BANP: variants seen among roughly 807,000 people sequenced by gnomAD.
BANP encodes protein BANP.
BANP carries 11 observed loss-of-function variants against 68.1 expected under a neutral mutation model. That is an observed-to-expected ratio of 0.16 (90% confidence interval 0.10 to 0.27). The LOEUF is 0.27. BANP is among the 10% of genes least tolerant of loss of function. The pLI is 1.00. For synonymous variants in BANP, 329 were observed against 303.2 expected, an observed-to-expected ratio of 1.09 and a Z score of -0.88; for missense variants, 504 against 722.7, an observed-to-expected ratio of 0.70 and a Z score of 3.47.
chr16:88,025,417 T>A (rs907071533), intron 7 of BANP, among the ~76,000 whole-genome samples: 3 of 152,114 alleles, frequency 2.0e-5, no homozygotes, highest in African/African-American at 7.2e-5. Flanking sequence ...GATTCGAGGG[T>A]GACTTGGAGT....
intron 1 of BANP, among the ~76,000 whole-genome samples, chr16:87,960,846 C>G (rs11117313): frequency 0.67 from 102,461 of 152,142 alleles, 35,272 homozygotes; most frequent in African/African-American, 0.8. Context: ...AAGTTAGCCT[C>G]TCACCTCAAA....
chr16:87,978,546 A>G (rs1213689031), intron 2 of BANP: 6 of 460,550 alleles, frequency 1.3e-5, no homozygotes, highest in Non-Finnish European at 2.7e-5. Context: ...TAAAAGTTTC[A>G]TTAAGTGAGA....
At chr16:87,954,981 C>T (rs1269632734) in intron 1 of BANP, among the ~76,000 whole-genome samples, 3 of 152,250 alleles carry the variant, frequency 2.0e-5, no homozygotes, top group East Asian at 1.9e-4. Context: ...TGAATTGCAG[C>T]GTGGGCTGGT....
At chr16:88,044,587 T>C (rs1307897136) in intron 11 of BANP, among the ~76,000 whole-genome samples, 1 of 152,278 alleles carries the variant, frequency 6.6e-6, no homozygotes, top group East Asian at 1.9e-4. Flanking sequence ...TGATCGCTAA[T>C]GTCTCTTTCT....
At chr16:88,070,377 G>A (rs1196561937) in intron 12 of BANP, among the ~76,000 whole-genome samples, 1 of 152,122 alleles carries the variant, frequency 6.6e-6, no homozygotes, top group Non-Finnish European at 1.5e-5. Context: ...AGGGGCCGTC[G>A]GGTAAAGAAA....
chr16:88,076,605 C>A lies in BANP; in HGVS notation c.1537C>A (p.Gln513Lys). The change falls in exon 14 of 14, where the codon CAG becomes AAG. Residue 513 changes from glutamine to lysine, a missense_variant. Gln to Lys is a moderately conservative substitution (Grantham distance 53). This residue lies in a region of BANP where 223 missense variants were observed against 246.2 expected (regional missense o/e 0.91). Transcript: ENST00000682872. ...TAGAQTAEAL[Q>K]PTLQPEMQLE... Reference sequence around the variant, plus strand: ...CCTTTTGCAGACGGCCGAAGCCCTGCAGCCCACGCTACAGCCGGAGATGCA... The same window carrying A: ...CCTTTTGCAGACGGCCGAAGCCCTGAAGCCCACGCTACAGCCGGAGATGCA... 6.2e-7 allele frequency: 1 copy of A among 1,612,372 alleles called. No individual in the cohort carries two copies. Among genetic ancestry groups the A allele is most frequent in the Non-Finnish European group, 8.5e-7 (1 of 1,179,720 alleles).
At chr16:88,032,693 G>C (rs1567816361) in intron 8 of BANP, among the ~76,000 whole-genome samples, 1 of 152,180 alleles carries the variant, frequency 6.6e-6, no homozygotes, top group Non-Finnish European at 1.5e-5. Context: ...ATCTCATTTT[G>C]ATTAAACACA....
intron 4 of BANP, among the ~76,000 whole-genome samples, chr16:87,987,289 G>T (rs2064686153): frequency 6.6e-6 from 1 of 152,124 alleles, no homozygotes; most frequent in Non-Finnish European, 1.5e-5. Context: ...ACATTAGCCA[G>T]GCTGGTCTTG....
At chr16:88,014,914 G>C (rs572345235) in intron 6 of BANP, among the ~76,000 whole-genome samples, 1 of 152,106 alleles carries the variant, frequency 6.6e-6, no homozygotes, top group Non-Finnish European at 1.5e-5. Flanking sequence ...TTTAAAGACA[G>C]TGGGTCTCAC....
intron 1 of BANP, among the ~76,000 whole-genome samples, chr16:87,973,768 A>AAAAAAAAAAAAAAAAGAAAG (rs2061546192): frequency 1.9e-5 from 2 of 104,908 alleles, no homozygotes; most frequent in South Asian, 2.5e-4. Context: ...AAAAAAAAAA[A>AAAAAAAAAAAAAAAAGAAAG]AAAAAAGAAA....
At chr16:88,017,197 C>T (rs550691607) in intron 6 of BANP, 1 of 152,346 alleles carries the variant, frequency 6.6e-6, no homozygotes, top group East Asian at 1.9e-4. Context: ...CAGCGATGCC[C>T]AGGGTGGCAT....
intron 4 of BANP, among the ~76,000 whole-genome samples, chr16:87,987,946 T>C (rs906836207): frequency 1.3e-5 from 2 of 151,904 alleles, no homozygotes; most frequent in Non-Finnish European, 2.9e-5. Context: ...TTGTTTTTGA[T>C]AGAGATGAGG....
intron 7 of BANP, 98 bp from the exon 8 acceptor site, chr16:88,027,385 G>C: frequency 1.4e-6 from 2 of 1,382,762 alleles, no homozygotes; most frequent in East Asian, 4.6e-5. Context: ...GGGTGCCTGG[G>C]TGAGGCCTCT....
chr16:87,956,755 C>G (rs1294001317), intron 1 of BANP: 2 of 152,034 alleles, frequency 1.3e-5, no homozygotes, highest in African/African-American at 4.8e-5. Flanking sequence ...TCGCCTGGGA[C>G]TCCCTTTGTC....
chr16:88,068,404 A>G (rs1360829081), intron 12 of BANP, among the ~76,000 whole-genome samples: 1 of 152,226 alleles, frequency 6.6e-6, no homozygotes, highest in East Asian at 1.9e-4. Context: ...CCTGGTGTTC[A>G]GGAGTTTTCA....
At chr16:87,978,576 G>A (rs1443723121) in intron 2 of BANP, 1 of 469,174 alleles carries the variant, frequency 2.1e-6, no homozygotes, top group African/African-American at 2.0e-5. Flanking sequence ...CAAAGGCTTA[G>A]GTGGAGATGG....
intron 11 of BANP, among the ~76,000 whole-genome samples, chr16:88,041,621 G>A (rs557271965): frequency 2.0e-4 from 31 of 152,290 alleles, no homozygotes; most frequent in African/African-American, 7.5e-4. Flanking sequence ...GTCTCTGTCT[G>A]CTCTGATACT....
Position 88,064,603 on chromosome 16 carries a change from C to T in BANP, c.1312-664C>T, listed in dbSNP as rs1034023429. On this transcript the variant is annotated intron_variant, in intron 11 of 13. Coordinates refer to ENST00000682872, the MANE Select transcript of BANP (RefSeq NM_001386991.1). The surrounding 1 kb of genome is among the most constrained non-coding windows in gnomAD (Gnocchi z 4.5). Reference sequence around the variant, plus strand: ...CAGGCTGGGCGCCTGTGTGGCACCACGTGGCACTCCCCGAGGAGGCCTGGG... The same window carrying T: ...CAGGCTGGGCGCCTGTGTGGCACCATGTGGCACTCCCCGAGGAGGCCTGGG... Among the ~76,000 whole-genome samples, 10 of 152,230 alleles carry T rather than the reference C, an allele frequency of 6.6e-5. No homozygotes were observed. Among genetic ancestry groups the T allele is most frequent in the African/African-American group, 2.4e-4 (10 of 41,462 alleles).
At chr16:88,059,908 G>T (rs1199263135) in intron 11 of BANP, among the ~76,000 whole-genome samples, 4 of 152,206 alleles carry the variant, frequency 2.6e-5, no homozygotes, top group Non-Finnish European at 4.4e-5. Context: ...ACGGCCTGGT[G>T]GGGAAGGGTC....
Sources: allele counts gnomAD v4.1 joint callset (sites outside exome capture counted in the v4.1 genomes callset), GRCh38; gene constraint gnomAD v4.1.1; regional missense constraint gnomAD v4.1.1; non-coding constraint Gnocchi (gnomAD v3.1); transcripts MANE v1.5; gene names NCBI Gene and HGNC (gene_info 2026-07-23, HGNC 2026-07-21).